Variants in ERG observed in about 807,000 individuals in gnomAD.
ERG encodes transcriptional regulator ERG.
A neutral mutation model predicts 55.3 loss-of-function variants in ERG; 9 were observed. The ratio of observed to expected loss-of-function variants is 0.16; its 90% CI spans 0.10 to 0.28. The LOEUF is 0.28. Among genes scored for constraint, ERG ranks in the 10% least tolerant of loss-of-function variants. The pLI, the probability that ERG is intolerant of heterozygous loss-of-function variation, is 1.00. For missense variants in ERG, 434 were observed against 631.6 expected (o/e 0.69, Z 3.35); for synonymous variants, 223 against 237.3 (o/e 0.94, Z 0.55).
chr21:38,630,401 T>C (rs751531750), intron 1 of ERG, among the ~76,000 whole-genome samples: 26 of 152,110 alleles, frequency 1.7e-4, no homozygotes, highest in Non-Finnish European at 3.4e-4. Context: ...GGCTTCCTCT[T>C]TATGATCCAA....
intron 2 of ERG, among the ~76,000 whole-genome samples, chr21:38,431,026 C>A (rs1235355808): frequency 6.6e-6 from 1 of 152,208 alleles, no homozygotes; most frequent in Non-Finnish European, 1.5e-5. Context: ...ATGAAACTGG[C>A]TTGTTGAGCT....
chr21:38,593,034 C>T (rs1048281150), intron 1 of ERG, among the ~76,000 whole-genome samples: 10 of 152,176 alleles, frequency 6.6e-5, no homozygotes, highest in South Asian at 2.1e-4. Flanking sequence ...AAGCCCAAGA[C>T]GTTCTTGGAC....
intron 1 of ERG, among the ~76,000 whole-genome samples, chr21:38,615,829 G>A (rs554999115): frequency 6.6e-6 from 1 of 151,880 alleles, no homozygotes; most frequent in Non-Finnish European, 1.5e-5. Flanking sequence ...GCTACCAATG[G>A]GATGTCACTG....
At chr21:38,429,736 T>C (rs13046873) in intron 2 of ERG, among the ~76,000 whole-genome samples, 36,822 of 97,746 alleles carry the variant, frequency 0.38, 8,322 homozygotes, top group East Asian at 0.53. Flanking sequence ...TATATGTGTG[T>C]ATATATATAT....
chr21:38,505,131 A>G (rs1354464172), intron 2 of ERG, among the ~76,000 whole-genome samples: 1 of 152,218 alleles, frequency 6.6e-6, no homozygotes, highest in Admixed American at 6.5e-5. Context: ...TCCATCACAA[A>G]TGGAATCAGA....
downstream of ERG, among the ~76,000 whole-genome samples, chr21:38,379,108 G>A (rs938005932): frequency 5.8e-4 from 89 of 152,338 alleles, no homozygotes; most frequent in African/African-American, 2.0e-3. Flanking sequence ...GGGGAGGACT[G>A]GATGGAGGTC....
At chr21:38,478,219 A>T (rs1276343121) in intron 1 of ERG, among the ~76,000 whole-genome samples, 1 of 152,256 alleles carries the variant, frequency 6.6e-6, no homozygotes, top group Non-Finnish European at 1.5e-5. Flanking sequence ...ACCCTGGGAC[A>T]AGATATCCTG....
At chr21:38,566,183 T>G (rs1031894584) in intron 2 of ERG, among the ~76,000 whole-genome samples, 5 of 152,168 alleles carry the variant, frequency 3.3e-5, no homozygotes, top group African/African-American at 1.2e-4. Context: ...GATCAGAAGG[T>G]AAAGAAGACA....
intron 6 of ERG, 170 bp downstream of exon 6, chr21:38,400,404 T>C (rs754703224): frequency 1.4e-6 from 1 of 736,954 alleles, no homozygotes; most frequent in South Asian, 1.4e-5. Flanking sequence ...TTGAATGAAA[T>C]GGTTTGAGTG....
intron 1 of ERG, among the ~76,000 whole-genome samples, chr21:38,654,826 A>T (rs1206748444): frequency 1.3e-5 from 2 of 152,184 alleles, no homozygotes; most frequent in African/African-American, 2.4e-5. Flanking sequence ...GCACAAGGCA[A>T]GTTTAAACTT....
intron 1 of ERG, among the ~76,000 whole-genome samples, chr21:38,594,974 C>T (rs2060122521): frequency 6.6e-6 from 1 of 152,088 alleles, no homozygotes; most frequent in African/African-American, 2.4e-5. Flanking sequence ...TGGCCTGGAA[C>T]AGAGAGGCTG....
chr21:38,440,948 C>T (rs2058835811), intron 2 of ERG, among the ~76,000 whole-genome samples: 1 of 152,172 alleles, frequency 6.6e-6, no homozygotes, highest in South Asian at 2.1e-4. Flanking sequence ...TCCCCCATTC[C>T]CCTTCAGGAA....
intron 9 of ERG, among the ~76,000 whole-genome samples, chr21:38,388,761 C>A (rs1490030357): frequency 6.6e-6 from 1 of 152,144 alleles, no homozygotes; most frequent in African/African-American, 2.4e-5. Context: ...AAGCACAGTC[C>A]TCCTTCCCCA....
intron 1 of ERG, among the ~76,000 whole-genome samples, chr21:38,475,121 C>T (rs75497364): frequency 0.017 from 2,559 of 152,140 alleles, 50 homozygotes; most frequent in Middle Eastern, 0.095. Flanking sequence ...CCCATAAACG[C>T]GGAACATAAT....
At chr21:38,590,976 G>A (rs1432164234) in intron 1 of ERG, among the ~76,000 whole-genome samples, 2 of 152,200 alleles carry the variant, frequency 1.3e-5, no homozygotes, top group African/African-American at 4.8e-5. Context: ...GAAAGTCCAG[G>A]GGTGAAAGGG....
intron 2 of ERG, among the ~76,000 whole-genome samples, chr21:38,426,958 G>A (rs965901519): frequency 6.6e-6 from 1 of 151,984 alleles, no homozygotes; most frequent in Non-Finnish European, 1.5e-5. Flanking sequence ...TAGAAACAGG[G>A]GACATTGAGG....
At chr21:38,621,644 C>T (rs1005313099) in intron 1 of ERG, among the ~76,000 whole-genome samples, 6 of 152,188 alleles carry the variant, frequency 3.9e-5, no homozygotes, top group African/African-American at 1.4e-4. Flanking sequence ...TCATTTGCTA[C>T]TGCAGCAAAA....
At chr21:38,525,058 G>T (rs1297171001) in intron 2 of ERG, among the ~76,000 whole-genome samples, 1 of 152,216 alleles carries the variant, frequency 6.6e-6, no homozygotes, top group African/African-American at 2.4e-5. Flanking sequence ...CTATTGGAAA[G>T]AGTAGGGGTA....
chr21:38,420,629 T>C (rs927447465), intron 3 of ERG, among the ~76,000 whole-genome samples: 16 of 152,218 alleles, frequency 1.1e-4, no homozygotes, highest in African/African-American at 3.1e-4. Flanking sequence ...CTGACTTCAG[T>C]TGATTCTCTG....
Sources: gnomAD v4.1 joint callset for allele counts (sites outside exome capture counted in the v4.1 genomes callset) on GRCh38, gnomAD v4.1.1 for gene constraint, MANE v1.5 for transcripts, NCBI Gene and HGNC (gene_info 2026-07-23, HGNC 2026-07-21) for gene names.